The following PBX1 variants were observed in gnomAD, a reference collection of about 807,000 sequenced individuals.
The protein encoded by PBX1 is PBX homeobox 1, also known as pre-B-cell leukemia transcription factor 1.
PBX1 carries 6 observed loss-of-function variants against 53.4 expected under a neutral mutation model. The observed-to-expected ratio is 0.11, with a 90% CI of 0.06 to 0.22. PBX1 has a LOEUF of 0.22. Ranked by LOEUF, PBX1 falls within the 10% of genes least tolerant of loss-of-function variation. The pLI is 1.00. For missense variants in PBX1, 251 were observed against 551.4 expected (o/e 0.46, Z 5.46); for synonymous variants, 204 against 212.3 (o/e 0.96, Z 0.34).
intron 2 of PBX1, among the ~76,000 whole-genome samples, chr1:164,606,857 C>G (rs1656593916): frequency 6.6e-6 from 1 of 152,176 alleles, no homozygotes. Flanking sequence ...TTACATATAA[C>G]AAGTTTTTTT....
intron 2 of PBX1, among the ~76,000 whole-genome samples, chr1:164,774,024 T>C (rs1048627154): frequency 6.6e-6 from 1 of 152,150 alleles, no homozygotes; most frequent in Non-Finnish European, 1.5e-5. Flanking sequence ...GAGAAAAGGA[T>C]AGATGGCAAG....
chr1:164,712,818 T>G (rs545178272), intron 2 of PBX1, among the ~76,000 whole-genome samples: 1 of 152,346 alleles, frequency 6.6e-6, no homozygotes, highest in Admixed American at 6.5e-5. Context: ...ACTTTCCACC[T>G]AGGCAGGCAG....
chr1:164,832,899 C>G (rs1670838838), intron 8 of PBX1, among the ~76,000 whole-genome samples: 1 of 151,862 alleles, frequency 6.6e-6, no homozygotes, highest in South Asian at 2.1e-4. Context: ...TAAGAAGATA[C>G]TTACAAAGAT....
chr1:164,868,224 A>C (rs199664941), intron 2 of PBX1, among the ~76,000 whole-genome samples: 1 of 151,934 alleles, frequency 6.6e-6, no homozygotes, highest in East Asian at 1.9e-4. Flanking sequence ...GAGGGGGGCC[A>C]TTTTTTTTAA....
At chr1:164,604,627 G>A (rs11581789) in intron 2 of PBX1, among the ~76,000 whole-genome samples, 28,496 of 152,068 alleles carry the variant, frequency 0.19, 3,096 homozygotes, top group Non-Finnish European at 0.25. Context: ...TTATTATAGC[G>A]GCATTCATAT....
At chr1:164,612,732 C>G (rs1317349952) in intron 2 of PBX1, among the ~76,000 whole-genome samples, 5 of 152,112 alleles carry the variant, frequency 3.3e-5, no homozygotes, top group African/African-American at 9.7e-5. Flanking sequence ...TGATGGGGCT[C>G]CCACCTCTGT....
intron 2 of PBX1, among the ~76,000 whole-genome samples, chr1:164,619,449 G>C (rs1657525179): frequency 6.6e-6 from 1 of 152,080 alleles, no homozygotes; most frequent in Non-Finnish European, 1.5e-5. Context: ...TCAGTGAAGG[G>C]GCAGTGAGTG....
chr1:164,791,214 G>C (rs1368134234), intron 2 of PBX1, among the ~76,000 whole-genome samples: 2 of 151,724 alleles, frequency 1.3e-5, no homozygotes, highest in African/African-American at 4.9e-5. Context: ...TTTATGGGAG[G>C]TTGTCTGAAG....
At chr1:164,658,009 A>C (rs1278181444) in intron 2 of PBX1, among the ~76,000 whole-genome samples, 1 of 152,120 alleles carries the variant, frequency 6.6e-6, no homozygotes, top group Non-Finnish European at 1.5e-5. Flanking sequence ...TTCGTGTCCC[A>C]CTGTCAGGCA....
At chr1:164,806,843 T>A (rs1006283098) in intron 4 of PBX1, among the ~76,000 whole-genome samples, 3 of 152,218 alleles carry the variant, frequency 2.0e-5, no homozygotes, top group African/African-American at 7.2e-5. Flanking sequence ...TGCTGAGTGC[T>A]GTCTTTGTGT....
In PBX1 at chr1:164,792,603, G is replaced by A; in HGVS notation, c.375G>A (p.Gly125=). ...TGGCGGGGCCTGAGAAGGGCGGAGG[G>A]TCGGCGGCAGCGGCGGCAGCGGCGG... ...EGVAGPEKGG[G]SAAAAAAAAA... is the part of the protein sequence containing the mutation. Residue 125 remains glycine, a synonymous_variant, in exon 3 of 9, where the codon GGG becomes GGA. Coordinates refer to ENST00000420696, the MANE Select transcript of PBX1 (RefSeq NM_002585.4). The A allele has an allele frequency of 1.2e-6, 2 of 1,613,722 alleles. No individual in the cohort carries two copies. The highest frequency in any genetic ancestry group is 1.7e-6 in the Non-Finnish European group (2 of 1,179,748).
chr1:164,714,830 C>T (rs1219798243), intron 2 of PBX1, among the ~76,000 whole-genome samples: 1 of 152,208 alleles, frequency 6.6e-6, no homozygotes, highest in Admixed American at 6.5e-5. Context: ...AGGGGATGGA[C>T]TTGACCAGTG....
At position 164,621,917 on chromosome 1, in the gene PBX1, A is replaced by G. The variant is rs1415150781; in HGVS notation, c.265+58606A>G. On this transcript the variant is annotated intron_variant, in intron 2 of 8. Coordinates refer to ENST00000420696, the MANE Select transcript of PBX1 (RefSeq NM_002585.4). ...AAGAAAAGCTCCCATCTTTCACACTAAATACGTTCTATAAAACCAAGCAAC... is the reference window on the plus strand; with the variant it reads ...AAGAAAAGCTCCCATCTTTCACACTGAATACGTTCTATAAAACCAAGCAAC... 2.6e-5 allele frequency among the ~76,000 whole-genome samples: 4 copies of G among 152,218 alleles called. No individual in the cohort carries two copies. In the East Asian group the frequency reaches 7.7e-4, roughly 29 times the overall value.
intron 2 of PBX1, chr1:164,651,930 GGTGTGTGTGTGT>G (rs57772161): frequency 1.1e-3 from 155 of 144,156 alleles, no homozygotes; most frequent in East Asian, 7.8e-3. Context: ...ATGGAGGGAG[GGTGTGTGTGTGT>G]GTGTGTGTGT....
rs569022562 is a variant in PBX1, at chr1:164,616,045, T to G, written c.265+52734T>G. ...CTCCAGAGATGAAAAATTCAGGATA[T>G]GTCTATGTGAAATATGGTCTTGTAA... On this transcript the variant is annotated intron_variant, in intron 2 of 8. Transcript: ENST00000420696. Among the ~76,000 whole-genome samples, 3 of 152,224 alleles carry G rather than the reference T, an allele frequency of 2.0e-5. No homozygotes were observed. The South Asian group carries it at 6.2e-4, about 32-fold the overall frequency.
chr1:164,760,124 T>TTA lies in PBX1; in HGVS notation c.266-32370_266-32369insTA, dbSNP rs532084748. On this transcript the variant is annotated intron_variant, in intron 2 of 8. Coordinates refer to ENST00000420696, the MANE Select transcript of PBX1 (RefSeq NM_002585.4). ...TTTTAAGTATAGTTTTACACTTTAT[T>TTA]ATGTGCAATGACATCTTAAATGGAG... 2.5e-3 allele frequency among the ~76,000 whole-genome samples: 374 copies of TTA among 152,360 alleles called. 1 individual carries two copies. Among genetic ancestry groups the TTA allele is most frequent in the Non-Finnish European group, 3.7e-3 (255 of 68,032 alleles).
intron 2 of PBX1, among the ~76,000 whole-genome samples, chr1:164,579,430 C>T (rs1307966883): frequency 6.6e-6 from 1 of 152,114 alleles, no homozygotes; most frequent in Non-Finnish European, 1.5e-5. Context: ...CCACCTGTCT[C>T]CTTAAGGTTT....
chr1:164,719,436 G>A (rs1261798177), intron 2 of PBX1, among the ~76,000 whole-genome samples: 1 of 152,194 alleles, frequency 6.6e-6, no homozygotes, highest in East Asian at 1.9e-4. Flanking sequence ...CTTGTCCTGA[G>A]TAAAAGCTTT....
At chr1:164,820,310 C>T (rs555367127) in intron 7 of PBX1, 126 bp downstream of exon 7, 99 of 592,760 alleles carry the variant, frequency 1.7e-4, no homozygotes, top group African/African-American at 1.4e-3. Flanking sequence ...ACCTTACCAA[C>T]GACCGAACCA....
Sources: gnomAD v4.1 joint callset for allele counts (sites outside exome capture counted in the v4.1 genomes callset) on GRCh38, gnomAD v4.1.1 for gene constraint, MANE v1.5 for transcripts, NCBI Gene and HGNC (gene_info 2026-07-23, HGNC 2026-07-21) for gene names.